LAMA2: variants seen among roughly 807,000 people sequenced by gnomAD.
LAMA2 encodes the protein laminin subunit alpha-2.
A neutral mutation model predicts 364.8 loss-of-function variants in LAMA2; 269 were observed. The ratio of observed to expected loss-of-function variants is 0.74; its 90% confidence interval spans 0.67 to 0.82. The LOEUF (loss-of-function observed/expected upper bound fraction) is 0.82. LAMA2 is among the 40% of genes least tolerant of loss of function. LAMA2 has a pLI of 0.00. For missense variants in LAMA2, 3,807 were observed against 3,873.2 expected (o/e 0.98, Z 0.45); for synonymous variants, 1,379 against 1,370.6 (o/e 1.01, Z -0.14).
intron 1 of LAMA2, among the ~76,000 whole-genome samples, chr6:128,895,716 T>G (rs946246815): frequency 6.6e-6 from 1 of 152,110 alleles, no homozygotes. Flanking sequence ...GCAGAAGAGA[T>G]TTTTATTCCT....
chr6:129,324,867 CTG>C (rs1428829500), intron 28 of LAMA2, among the ~76,000 whole-genome samples: 1 of 152,206 alleles, frequency 6.6e-6, no homozygotes, highest in Non-Finnish European at 1.5e-5. Context: ...CAGCACATGA[CTG>C]TACAATATTC....
At chr6:129,006,091 C>CCCTAAGCACCTCTTGGCAGCACTGCTG (rs1784429887) in intron 1 of LAMA2, among the ~76,000 whole-genome samples, 1 of 151,984 alleles carries the variant, frequency 6.6e-6, no homozygotes, top group Admixed American at 6.6e-5. Flanking sequence ...ATCAATATCA[C>CCCTAAGCACCTCTTGGCAGCACTGCTG]TGTTTGGCAG....
At chr6:129,334,867 G>C (rs1393085232) in intron 29 of LAMA2, among the ~76,000 whole-genome samples, 2 of 152,036 alleles carry the variant, frequency 1.3e-5, no homozygotes, top group African/African-American at 2.4e-5. Context: ...GCCTCATGAT[G>C]TAATCACCTC....
At chr6:129,474,586 G>T (rs933901345) in intron 52 of LAMA2, among the ~76,000 whole-genome samples, 2 of 152,010 alleles carry the variant, frequency 1.3e-5, no homozygotes, top group African/African-American at 4.8e-5. Context: ...GGAATCCAGT[G>T]GTTGTTCAAA....
chr6:129,429,290 T>G (rs928256865), intron 41 of LAMA2, among the ~76,000 whole-genome samples: 14 of 152,322 alleles, frequency 9.2e-5, no homozygotes, highest in African/African-American at 3.1e-4. Flanking sequence ...GCATAACAGA[T>G]GTATAAATTT....
chr6:129,071,369 T>C (rs1023318470), intron 3 of LAMA2, among the ~76,000 whole-genome samples: 3 of 152,160 alleles, frequency 2.0e-5, no homozygotes, highest in African/African-American at 4.8e-5. Flanking sequence ...TTGGGCTTGA[T>C]TGATTTTCTC....
chr6:129,385,391 G>A (rs1324564508), intron 35 of LAMA2, among the ~76,000 whole-genome samples: 1 of 151,654 alleles, frequency 6.6e-6, no homozygotes. Context: ...TTTAAAGTAG[G>A]TTATACTGTA....
intron 53 of LAMA2, 81 bp from the exon 54 acceptor site, chr6:129,478,612 A>G (rs961749979): frequency 2.0e-6 from 3 of 1,466,350 alleles, no homozygotes; most frequent in African/African-American, 2.8e-5. Flanking sequence ...CTGCTCCACA[A>G]GGCTTCCTTC....
At chr6:129,113,278 T>A (rs1776266380) in intron 4 of LAMA2, among the ~76,000 whole-genome samples, 1 of 152,048 alleles carries the variant, frequency 6.6e-6, no homozygotes, top group South Asian at 2.1e-4. Context: ...TGACAATCTT[T>A]TAATAATTTC....
At chr6:129,315,357 G>T in intron 24 of LAMA2, 119 bp from the exon 25 acceptor site, 2 of 851,774 alleles carry the variant, frequency 2.3e-6, no homozygotes, top group Non-Finnish European at 3.8e-6. Flanking sequence ...TCTGTTGCTT[G>T]TGAGAACATC....
intron 1 of LAMA2, among the ~76,000 whole-genome samples, chr6:129,014,113 A>AG (rs1784935772): frequency 6.6e-6 from 1 of 152,112 alleles, no homozygotes; most frequent in Non-Finnish European, 1.5e-5. Context: ...ATAGATCGGG[A>AG]GGGGTGCAAG....
chr6:129,392,923 A>G lies in LAMA2; in HGVS notation c.5235-122A>G, dbSNP rs538651869. 6.1e-4 allele frequency: 466 copies of G among 764,570 alleles called. 6 individuals carry two copies. The South Asian group carries it at 7.7e-3, about 13-fold the overall frequency. 47.4% of individuals were successfully genotyped at this position (764,570 alleles called of 1,614,324 possible). On this transcript the variant is annotated intron_variant, in intron 36 of 64. Coordinates refer to ENST00000421865, the MANE Select transcript of LAMA2 (RefSeq NM_000426.4). ...TTAGCACACAGTGAATCTATTTTACATGTTTTCTTATTTTCTCATTCTTTT... is the reference window on the plus strand; with the variant it reads ...TTAGCACACAGTGAATCTATTTTACGTGTTTTCTTATTTTCTCATTCTTTT...
At chr6:128,961,354 T>TATATATATATTATATATATATATA (rs1562873136) in intron 1 of LAMA2, among the ~76,000 whole-genome samples, 7 of 77,606 alleles carry the variant, frequency 9.0e-5, no homozygotes, top group African/African-American at 3.2e-4. Flanking sequence ...TATATATATA[T>TATATATATATTATATATATATATA]ATATATATAT....
chr6:128,909,801 T>TTCTAAAAGAAGC (rs1415993897), intron 1 of LAMA2, among the ~76,000 whole-genome samples: 5 of 152,296 alleles, frequency 3.3e-5, no homozygotes, highest in Non-Finnish European at 7.3e-5. Context: ...TGTTTAGTGC[T>TTCTAAAAGAAGC]TCCTTCAGGA....
intron 54 of LAMA2, 139 bp downstream of exon 54, chr6:129,478,952 A>G (rs1784221694): frequency 2.5e-6 from 2 of 797,774 alleles, no homozygotes. Flanking sequence ...ATAAAGCAAG[A>G]TTAAAGCATT....
At chr6:129,382,325 TAC>T (rs934765696) in intron 34 of LAMA2, among the ~76,000 whole-genome samples, 1 of 152,254 alleles carries the variant, frequency 6.6e-6, no homozygotes, top group African/African-American at 2.4e-5. Flanking sequence ...AACAATGTTA[TAC>T]ACACACCATT....
chr6:129,158,901 T>C, intron 8 of LAMA2: 1 of 1,608,610 alleles, frequency 6.2e-7, no homozygotes, highest in East Asian at 2.2e-5. Flanking sequence ...ATGCATGTGT[T>C]ATTAATAGCA....
chr6:129,062,132 A>G (rs1264930579), intron 3 of LAMA2, among the ~76,000 whole-genome samples: 1 of 152,234 alleles, frequency 6.6e-6, no homozygotes, highest in Non-Finnish European at 1.5e-5. Context: ...ACTGTGAGAC[A>G]TGTTTATAAT....
At position 128,911,024 on chromosome 6, in the gene LAMA2, C is replaced by T. The variant is rs536818208; in HGVS notation, c.112+27667C>T. ...GATCTCCAGCTGCGTACTGGGAGAA[C>T]CACTGCTCTCTTCAAAGCTGTCAGA... On this transcript the variant is annotated intron_variant, in intron 1 of 64. Coordinates refer to ENST00000421865, the MANE Select transcript of LAMA2 (RefSeq NM_000426.4). 4.6e-5 allele frequency among the ~76,000 whole-genome samples: 7 copies of T among 151,464 alleles called. No individual in the cohort carries two copies. In the East Asian group the frequency reaches 1.4e-3, roughly 29 times the overall value.
Sources: gnomAD v4.1 joint callset for allele counts (sites outside exome capture counted in the v4.1 genomes callset) on GRCh38, gnomAD v4.1.1 for gene constraint, MANE v1.5 for transcripts, NCBI Gene and HGNC (gene_info 2026-07-23, HGNC 2026-07-21) for gene names.